The following AMZ2 variants were observed in gnomAD, a reference collection of about 807,000 sequenced individuals.
AMZ2 encodes archaelysin family metallopeptidase 2, also known as archaemetzincin-2.
In AMZ2, 26 loss-of-function variants were observed where a neutral mutation model predicts 36.7. The ratio of observed to expected loss-of-function variants is 0.71; its 90% CI spans 0.52 to 0.98. AMZ2 has a LOEUF of 0.98. AMZ2 is among the 50% of genes least tolerant of loss of function. AMZ2 has a pLI of 0.00. For synonymous variants in AMZ2, 144 were observed against 149.1 expected (o/e 0.97, Z 0.25); for missense variants, 394 against 430.5 (o/e 0.92, Z 0.75).
chr17:68,214,432 A>G (rs2073144180), intron 1 of AMZ2, among the ~76,000 whole-genome samples: 1 of 152,148 alleles, frequency 6.6e-6, no homozygotes, highest in African/African-American at 2.4e-5. Context: ...AGCATTTACT[A>G]TGTATATCGT....
chr17:68,256,001 G>A, intron 6 of AMZ2, 125 bp downstream of exon 6: 1 of 1,075,092 alleles, frequency 9.3e-7, no homozygotes, highest in Non-Finnish European at 1.3e-6. Flanking sequence ...AGATAAGCAG[G>A]AAGCTGCGGT....
chr17:68,249,722 C>T (rs2074300372), intron 1 of AMZ2: 1 of 161,798 alleles, frequency 6.2e-6, no homozygotes, highest in South Asian at 1.5e-4. Flanking sequence ...TCATGGCTCA[C>T]TGCAGCCTCA....
chr17:68,229,411 G>T (rs7220409), intron 1 of AMZ2, among the ~76,000 whole-genome samples: 1 of 152,138 alleles, frequency 6.6e-6, no homozygotes, highest in Admixed American at 6.5e-5. Flanking sequence ...GTTCCTGCCT[G>T]TGCTAGAACT....
intron 6 of AMZ2, 53 bp from the exon 7 acceptor site, chr17:68,256,761 T>C: frequency 6.3e-7 from 1 of 1,580,648 alleles, no homozygotes; most frequent in African/African-American, 1.4e-5. Context: ...CTCTCTTGCC[T>C]GATGGTATTT....
chr17:68,226,561 A>G (rs549777246), intron 1 of AMZ2, among the ~76,000 whole-genome samples: 4 of 152,208 alleles, frequency 2.6e-5, no homozygotes, highest in Non-Finnish European at 2.9e-5. Flanking sequence ...CTGTCAGCCA[A>G]TGGACCTATT....
At chr17:68,213,150 G>A (rs543814300) in intron 1 of AMZ2, among the ~76,000 whole-genome samples, 8 of 152,274 alleles carry the variant, frequency 5.3e-5, no homozygotes, top group Non-Finnish European at 1.2e-4. Context: ...ACATACGCCA[G>A]CCGGCTTACC....
At chr17:68,217,908 G>C (rs1393438047) in intron 1 of AMZ2, among the ~76,000 whole-genome samples, 1 of 151,238 alleles carries the variant, frequency 6.6e-6, no homozygotes. Flanking sequence ...CACCTCCCGG[G>C]TTCACGCCAT....
intron 1 of AMZ2, among the ~76,000 whole-genome samples, chr17:68,220,235 A>G (rs1193843300): frequency 1.3e-5 from 2 of 152,186 alleles, no homozygotes; most frequent in East Asian, 3.8e-4. Context: ...TTCTACAAAG[A>G]GCATTGGTTA....
chr17:68,209,622 A>ATATATATATATATATATG (rs2072967321), intron 1 of AMZ2, among the ~76,000 whole-genome samples: 4 of 83,122 alleles, frequency 4.8e-5, no homozygotes, highest in Admixed American at 2.2e-4. Context: ...ATATATATAT[A>ATATATATATATATATATG]TATATATATA....
At chr17:68,245,594 T>G (rs1438960044), upstream of AMZ2, among the ~76,000 whole-genome samples, 1 of 152,116 alleles carries the variant, frequency 6.6e-6, no homozygotes, top group African/African-American at 2.4e-5. Context: ...GCAGAAATAA[T>G]GCTATCCTAA....
intron 1 of AMZ2, chr17:68,248,991 T>C: frequency 1.0e-6 from 1 of 975,602 alleles, no homozygotes. Context: ...GATGTTCAAC[T>C]TTTTCCTTAA....
At chr17:68,209,620 A>G (rs1344306180) in intron 1 of AMZ2, among the ~76,000 whole-genome samples, 3 of 80,470 alleles carry the variant, frequency 3.7e-5, no homozygotes, top group African/African-American at 2.0e-4. Context: ...GTATATATAT[A>G]TATATATATA....
rs1385851625 is a variant in AMZ2 at position 68,231,629 on chromosome 17, C to T, written c.-66-17011C>T. 3.0e-4 allele frequency among the ~76,000 whole-genome samples: 11 copies of T among 36,566 alleles called. 4 individuals are homozygous for T. The highest frequency in any genetic ancestry group is 5.1e-4 in the Non-Finnish European group (11 of 21,628). 24.0% of individuals were successfully genotyped at this position (36,566 alleles called of 152,430 possible). ...GGTGGGAAACACATAAGTAGTAGTA[C>T]GAGTTTTCCTTGCATGGGGACATAC... On this transcript the variant is annotated intron_variant, in intron 1 of 7. Transcript: ENST00000674770.
chr17:68,242,431 T>C (rs1434470472), intron 1 of AMZ2, among the ~76,000 whole-genome samples: 6 of 149,846 alleles, frequency 4.0e-5, no homozygotes, highest in Non-Finnish European at 4.5e-5. Flanking sequence ...TAGATTATTA[T>C]TTATCAGCAC....
chr17:68,208,131 C>G (rs143589507), intron 1 of AMZ2, among the ~76,000 whole-genome samples: 1,941 of 152,278 alleles, frequency 0.013, 36 homozygotes, highest in African/African-American at 0.044. Flanking sequence ...CTGAGCCTCC[C>G]TGACGAGCAC....
intron 4 of AMZ2, among the ~76,000 whole-genome samples, chr17:68,253,045 G>A (rs2074604444): frequency 6.6e-6 from 1 of 152,242 alleles, no homozygotes; most frequent in Non-Finnish European, 1.5e-5. Flanking sequence ...TTTTCTCCGA[G>A]TTTACAAAGA....
At chr17:68,210,982 G>A (rs1272983271) in intron 1 of AMZ2, among the ~76,000 whole-genome samples, 1 of 150,696 alleles carries the variant, frequency 6.6e-6, no homozygotes, top group Non-Finnish European at 1.5e-5. Flanking sequence ...TGGTTAGAGT[G>A]TAAATTTTAT....
In AMZ2 at chr17:68,213,117, T is replaced by C. The variant is rs144686486; in HGVS notation, c.-67+6879T>C. ...CATTGATTTAACCAGTAAAAGACAA[T>C]ACTTAACAATAAAATTTTAAAAACA... On this transcript the variant is annotated intron_variant, in intron 1 of 7. Coordinates refer to the AMZ2 transcript ENST00000674770. 3.7e-3 allele frequency among the ~76,000 whole-genome samples: 563 copies of C among 152,214 alleles called. 4 individuals carry two copies. Among genetic ancestry groups the C allele is most frequent in the Admixed American group, 7.5e-3 (114 of 15,282 alleles).
At chr17:68,252,157 T>C (rs1349772389) in intron 4 of AMZ2, among the ~76,000 whole-genome samples, 2 of 152,196 alleles carry the variant, frequency 1.3e-5, no homozygotes, top group African/African-American at 4.8e-5. Flanking sequence ...ATTAGTGTTC[T>C]GGGGATGGGG....
Sources: gnomAD v4.1 joint callset for allele counts (sites outside exome capture counted in the v4.1 genomes callset) on GRCh38, gnomAD v4.1.1 for gene constraint, MANE v1.5 for transcripts, NCBI Gene and HGNC (gene_info 2026-07-23, HGNC 2026-07-21) for gene names.